Variants in STK32B observed in about 807,000 individuals in gnomAD.
The protein encoded by STK32B is serine/threonine-protein kinase 32B.
STK32B carries 43 observed loss-of-function variants against 52.6 expected under a neutral mutation model. That is an observed-to-expected ratio of 0.82 (90% CI 0.64 to 1.05). STK32B has a LOEUF of 1.05. Among genes scored for constraint, STK32B ranks in the 50% least tolerant of loss-of-function variants. The pLI, the probability that STK32B is intolerant of heterozygous loss-of-function variation, is 0.00. For missense variants in STK32B, 621 were observed against 534.6 expected (o/e 1.16, Z -1.59); for synonymous variants, 238 against 204.3 (o/e 1.17, Z -1.41).
intron 1 of STK32B, among the ~76,000 whole-genome samples, chr4:5,112,671 C>A (rs1332492057): frequency 6.6e-6 from 1 of 152,142 alleles, no homozygotes; most frequent in Non-Finnish European, 1.5e-5. Flanking sequence ...TATCTGGGCA[C>A]CCCATGTCGC....
At chr4:5,389,409 C>T (rs1052775232) in intron 4 of STK32B, among the ~76,000 whole-genome samples, 2 of 151,854 alleles carry the variant, frequency 1.3e-5, no homozygotes, top group African/African-American at 2.4e-5. Flanking sequence ...CAGCAGGTTT[C>T]GTTTCCTCTG....
intron 5 of STK32B, among the ~76,000 whole-genome samples, chr4:5,404,863 A>AT (rs58235629): frequency 0.014 from 1,599 of 113,154 alleles, 49 homozygotes; most frequent in African/African-American, 0.042. Flanking sequence ...TCTGTATGCG[A>AT]TTTTTTTTTT....
intron 1 of STK32B, among the ~76,000 whole-genome samples, chr4:5,098,308 T>C (rs1421088149): frequency 1.3e-5 from 2 of 152,214 alleles, no homozygotes; most frequent in African/African-American, 4.8e-5. Context: ...TTGGGCTCTA[T>C]ATGTATTATT....
intron 4 of STK32B, among the ~76,000 whole-genome samples, chr4:5,389,972 G>A (rs905147862): frequency 1.3e-5 from 2 of 152,238 alleles, no homozygotes; most frequent in Non-Finnish European, 2.9e-5. Flanking sequence ...GGTGCCAGCA[G>A]TCAGGGAACC....
intron 3 of STK32B, among the ~76,000 whole-genome samples, chr4:5,321,151 C>T (rs185428640): frequency 1.3e-5 from 2 of 152,218 alleles, no homozygotes; most frequent in Admixed American, 6.5e-5. Context: ...CTTCTCTGAA[C>T]ATCAGTTCTG....
At chr4:5,328,089 C>A (rs994573688) in intron 3 of STK32B, among the ~76,000 whole-genome samples, 3 of 152,208 alleles carry the variant, frequency 2.0e-5, no homozygotes, top group Non-Finnish European at 4.4e-5. Flanking sequence ...TCCCTCACCT[C>A]TCTCAGCATT....
chr4:5,064,726 T>G (rs1380844765), intron 1 of STK32B, among the ~76,000 whole-genome samples: 1 of 88,848 alleles, frequency 1.1e-5, no homozygotes, highest in Non-Finnish European at 2.0e-5. Context: ...ATATAATATA[T>G]AAATATATAC....
the STK32B span, among the ~76,000 whole-genome samples, chr4:5,034,572 G>A: frequency 3.3e-5 from 5 of 152,124 alleles, no homozygotes; most frequent in Admixed American, 6.5e-5. Context: ...ACGATGAATC[G>A]TACCACAGTT....
chr4:5,334,495 C>A (rs1022359119), intron 4 of STK32B, among the ~76,000 whole-genome samples: 4 of 152,110 alleles, frequency 2.6e-5, no homozygotes, highest in Non-Finnish European at 5.9e-5. Context: ...ATTGCCCTGG[C>A]CAGAACTTCC....
chr4:5,102,734 G>A (rs866945271), intron 1 of STK32B, among the ~76,000 whole-genome samples: 33 of 150,820 alleles, frequency 2.2e-4, no homozygotes, highest in Middle Eastern at 3.4e-3. Context: ...GTAGAGATAC[G>A]GTTTTACCAT....
intron 3 of STK32B, among the ~76,000 whole-genome samples, chr4:5,239,938 C>T (rs986362808): frequency 2.0e-5 from 3 of 152,094 alleles, no homozygotes; most frequent in African/African-American, 7.2e-5. Context: ...ACTCTGCATC[C>T]TCCGCAAGGT....
chr4:5,332,474 T>C (rs1269535607), intron 4 of STK32B, among the ~76,000 whole-genome samples: 3 of 152,148 alleles, frequency 2.0e-5, no homozygotes, highest in Non-Finnish European at 4.4e-5. Flanking sequence ...GTTGAAAACT[T>C]CTTTTTATTT....
intron 3 of STK32B, among the ~76,000 whole-genome samples, chr4:5,241,204 G>C (rs1482215495): frequency 1.3e-5 from 2 of 152,086 alleles, no homozygotes; most frequent in Non-Finnish European, 2.9e-5. Context: ...CTGCACTGCT[G>C]TTTTTGATTT....
intron 3 of STK32B, among the ~76,000 whole-genome samples, chr4:5,325,210 A>G (rs1731794564): frequency 6.6e-6 from 1 of 152,156 alleles, no homozygotes; most frequent in African/African-American, 2.4e-5. Context: ...GTTTAGAGTT[A>G]TTTTATGTAG....
chr4:5,277,574 T>C (rs1235289430), intron 3 of STK32B, among the ~76,000 whole-genome samples: 1 of 152,190 alleles, frequency 6.6e-6, no homozygotes, highest in Non-Finnish European at 1.5e-5. Context: ...GGATAAAATC[T>C]CTTTTCACCT....
intron 4 of STK32B, among the ~76,000 whole-genome samples, chr4:5,363,199 A>G (rs1174693259): frequency 2.0e-5 from 3 of 152,268 alleles, no homozygotes; most frequent in Admixed American, 6.5e-5. Context: ...TCATGAAAGT[A>G]TACAAATTTT....
At chr4:5,067,350 C>T (rs1456895526) in intron 1 of STK32B, among the ~76,000 whole-genome samples, 4 of 152,058 alleles carry the variant, frequency 2.6e-5, no homozygotes, top group Non-Finnish European at 4.4e-5. Context: ...ACAGCCAAAC[C>T]ATATCAGTCA....
intron 11 of STK32B, among the ~76,000 whole-genome samples, chr4:5,485,478 T>G (rs547185872): frequency 2.6e-5 from 4 of 152,200 alleles, no homozygotes; most frequent in Non-Finnish European, 4.4e-5. Flanking sequence ...TTATTCTACT[T>G]AGCCATTCGT....
intron 3 of STK32B, among the ~76,000 whole-genome samples, chr4:5,301,352 T>G (rs1372043578): frequency 6.6e-6 from 1 of 152,140 alleles, no homozygotes; most frequent in Non-Finnish European, 1.5e-5. Flanking sequence ...TTATTAGCTC[T>G]TCTCTGAATG....
Sources: allele counts gnomAD v4.1 joint callset (sites outside exome capture counted in the v4.1 genomes callset), GRCh38; gene constraint gnomAD v4.1.1; transcripts MANE v1.5; gene names NCBI Gene and HGNC (gene_info 2026-07-23, HGNC 2026-07-21).